ZNF837: variants seen among roughly 807,000 people sequenced by gnomAD.
ZNF837 encodes the protein zinc finger protein 837.
For missense variants in ZNF837, 955 were observed against 801.7 expected (o/e 1.19, Z -2.31); for synonymous variants, 475 against 365.2 (o/e 1.30, Z -3.43).
rs1449024702 is a variant in ZNF837, at chr19:58,367,801, G to C, written c.1532C>G (p.Ala511Gly). The C allele has an allele frequency of 6.5e-7, 1 of 1,536,258 alleles. No homozygotes were observed. The highest frequency in any genetic ancestry group is 8.7e-7 in the Non-Finnish European group (1 of 1,145,886). Residue 511 changes from alanine (A) to glycine (G), a missense_variant, in exon 3 of 3, where the codon GCC becomes GGC. Transcript: ENST00000597582. ...GTTGAGGTTGGAGCGTTGGCTGAAG[G>C]CGCGGCCGCAATCTCCGCACGCGTA... ...RPYACGDCGR[A>G]FSQRSNLNEH...
At position 58,368,127 on chromosome 19, in the gene ZNF837, C is replaced by T. The variant is rs1446193580; in HGVS notation, c.1206G>A (p.Gln402=). ...GCTGGTGCCGGCTCAGGTTCGAGCG[C>T]TGGTTGAAGGCCTTGCCGCACTCGG... The part of the protein sequence containing the change: ...ACPECGKAFN[Q]RSNLSRHQRT... Residue 402 remains glutamine (Q), a synonymous_variant, in exon 3 of 3, where the codon CAG becomes CAA. Transcript: ENST00000597582. The T allele has an allele frequency of 1.3e-6, 2 of 1,574,314 alleles. No individual in the cohort carries two copies. The highest frequency in any genetic ancestry group is 1.7e-6 in the Non-Finnish European group (2 of 1,163,716).
At position 58,367,850 on chromosome 19, in the gene ZNF837, G is replaced by A. The variant is rs753845601; in HGVS notation, c.1483C>T (p.Arg495Cys). 3.3e-6 allele frequency: 5 copies of A among 1,535,932 alleles called. No individual in the cohort carries two copies. The South Asian group carries it at 3.6e-5, about 11-fold the overall frequency. ...VRNCSLVRHL[R>C]THTGERPYAC... ...TAGGGCCGCTCGCCCGTGTGCGTGC[G>A]CAGGTGGCGCACCAGGCTGCAGTTG... Residue 495 changes from arginine (R) to cysteine (C), a missense_variant, in exon 3 of 3, where the codon CGC becomes TGC. Arg to Cys is a radical substitution (Grantham distance 180). Transcript: ENST00000597582.
chr19:58,368,343 G>C lies in ZNF837; in HGVS notation c.990C>G (p.Pro330=), dbSNP rs771542489. The C allele has an allele frequency of 3.3e-6, 5 of 1,523,246 alleles. No homozygotes were observed. The highest frequency in any genetic ancestry group is 2.5e-5 in the East Asian group (1 of 39,780). The allele number at this position is 1,523,246 out of a possible 1,614,324, so 94.4% of individuals were successfully genotyped here. Reference sequence around the variant, plus strand: ...GCCGGAAGGCGCGCCGCGCCAGGACGGGGCCACGCCGGTGGCGCTCGGCCG... The same window carrying C: ...GCCGGAAGGCGCGCCGCGCCAGGACCGGGCCACGCCGGTGGCGCTCGGCCG... ...THSAERHRRG[P]VLARRAFRLG... is the part of the protein sequence containing the mutation. Residue 330 remains proline, a synonymous_variant, in exon 3 of 3, where the codon CCC becomes CCG. Coordinates refer to ENST00000597582, the MANE Select transcript of ZNF837 (RefSeq NM_138466.2).
rs1258114668 is a variant in ZNF837 at position 58,367,647 on chromosome 19, G to C, written c.*90C>G. On this transcript the variant is annotated 3_prime_UTR_variant, in exon 3 of 3. Transcript: ENST00000597582. ...GTGTACAAAGTGAAGTTTAATCAAAGTTACAAACGTTGGTGGGTTTTCCGG... is the reference window on the plus strand; with the variant it reads ...GTGTACAAAGTGAAGTTTAATCAAACTTACAAACGTTGGTGGGTTTTCCGG... 2 of 1,412,178 alleles carry C rather than the reference G, an allele frequency of 1.4e-6. No homozygotes were observed. Among genetic ancestry groups the C allele is most frequent in the East Asian group, 5.2e-5 (2 of 38,382 alleles). 87.5% of individuals were successfully genotyped at this position (1,412,178 alleles called of 1,614,324 possible). A position where few individuals can be genotyped will look rare whatever the true frequency, so the allele number is the denominator to read the frequency against.
intron 1 of ZNF837, among the ~76,000 whole-genome samples, chr19:58,371,728 T>TATTG (rs71190028): frequency 5.3e-4 from 80 of 152,312 alleles, no homozygotes; most frequent in Middle Eastern, 3.4e-3. Flanking sequence ...TTTATTTATT[T>TATTG]TGGTGTTTTT....
At chr19:58,376,121 G>A (rs1180369286) in intron 1 of ZNF837, among the ~76,000 whole-genome samples, 1 of 151,956 alleles carries the variant, frequency 6.6e-6, no homozygotes, top group African/African-American at 2.4e-5. Context: ...GTTTCACCCT[G>A]TTGGCCTGGC....
At chr19:58,379,453 G>C (rs575744779) in intron 1 of ZNF837, among the ~76,000 whole-genome samples, 1 of 152,204 alleles carries the variant, frequency 6.6e-6, no homozygotes, top group African/African-American at 2.4e-5. Flanking sequence ...CCACCTGTAG[G>C]TGGGTGGCAT....
Position 58,367,838 on chromosome 19 carries a change from C to G in ZNF837, c.1495G>C (p.Gly499Arg), listed in dbSNP as rs767810869. The G allele has an allele frequency of 1.3e-6, 2 of 1,535,840 alleles. No homozygotes were observed. The highest frequency in any genetic ancestry group is 2.7e-5 in the African/African-American group (2 of 72,806). Reference sequence around the variant, plus strand: ...TCTCCGCACGCGTAGGGCCGCTCGCCCGTGTGCGTGCGCAGGTGGCGCACC... The same window carrying G: ...TCTCCGCACGCGTAGGGCCGCTCGCGCGTGTGCGTGCGCAGGTGGCGCACC... The part of the protein sequence containing the change: ...SLVRHLRTHT[G>R]ERPYACGDCG... The change falls in exon 3 of 3, where the codon GGC becomes CGC. Residue 499 changes from glycine (G) to arginine (R), a missense_variant. Gly to Arg is a moderately radical substitution (Grantham distance 125). Coordinates refer to ENST00000597582, the MANE Select transcript of ZNF837 (RefSeq NM_138466.2).
intron 1 of ZNF837, among the ~76,000 whole-genome samples, chr19:58,373,109 G>C (rs1002886088): frequency 1.3e-5 from 2 of 152,320 alleles, no homozygotes; most frequent in African/African-American, 2.4e-5. Context: ...GACAGGAAAG[G>C]TGAGGCTGCC....
Position 58,368,808 on chromosome 19 carries a change from G to T in ZNF837, c.525C>A (p.Gly175=). ...TTGGGGTCCTCGGGCAGGTCGGAGCGCCAGTCCCTGGTTGGCACGGCCAAC... is the reference window on the plus strand; with the variant it reads ...TTGGGGTCCTCGGGCAGGTCGGAGCTCCAGTCCCTGGTTGGCACGGCCAAC... ...TDCWPCQPGT[G]APTCPRTPKP... The change falls in exon 3 of 3, where the codon GGC becomes GGA. Residue 175 remains glycine, a synonymous_variant. Transcript: ENST00000597582. 1 of 1,545,776 alleles carries T rather than the reference G, an allele frequency of 6.5e-7. No homozygotes were observed. Among genetic ancestry groups the T allele is most frequent in the Non-Finnish European group, 8.7e-7 (1 of 1,146,660 alleles).
Position 58,368,070 on chromosome 19 carries a change from G to A in ZNF837, c.1263C>T (p.Cys421=), listed in dbSNP as rs1245896110. The A allele has an allele frequency of 1.3e-6, 2 of 1,545,820 alleles. No individual in the cohort carries two copies. Among genetic ancestry groups the A allele is most frequent in the Admixed American group, 3.9e-5 (2 of 51,220 alleles). ...RTHSSAKPYA[C]PLCEKAFKGR... ...CCTTGAAGGCCTTTTCGCACAGTGGGCACGCGTAGGGCTTGGCGCTGCTGT... is the reference window on the plus strand; with the variant it reads ...CCTTGAAGGCCTTTTCGCACAGTGGACACGCGTAGGGCTTGGCGCTGCTGT... The change falls in exon 3 of 3, where the codon TGC becomes TGT. Residue 421 remains cysteine (C), a synonymous_variant. Transcript: ENST00000597582.
At position 58,368,997 on chromosome 19, in the gene ZNF837, C is replaced by G; in HGVS notation, c.336G>C (p.Glu112Asp). The change falls in exon 3 of 3, where the codon GAG becomes GAC. Residue 112 changes from glutamate to aspartate, a missense_variant. Transcript: ENST00000597582. ...CACGCGCTGGGCTCCTACAGGGGCCCTCCCGGGCTTGCAGCCCCTCGGGGA... is the reference window on the plus strand; with the variant it reads ...CACGCGCTGGGCTCCTACAGGGGCCGTCCCGGGCTTGCAGCCCCTCGGGGA... ...LVIPEGLQAR[E>D]GPCRSPARGG... 1 of 1,519,960 alleles carries G rather than the reference C, an allele frequency of 6.6e-7. No homozygotes were observed. Among genetic ancestry groups the G allele is most frequent in the South Asian group, 1.2e-5 (1 of 80,288 alleles). 94.2% of individuals were successfully genotyped at this position (1,519,960 alleles called of 1,614,324 possible).
At chr19:58,380,579 G>A (rs2052281718) in intron 1 of ZNF837, among the ~76,000 whole-genome samples, 1 of 152,240 alleles carries the variant, frequency 6.6e-6, no homozygotes. Context: ...AGGATGCGGG[G>A]GCAGAGACGG....
At chr19:58,372,436 G>T (rs553562465) in intron 1 of ZNF837, among the ~76,000 whole-genome samples, 4 of 151,904 alleles carry the variant, frequency 2.6e-5, no homozygotes, top group East Asian at 3.9e-4. Flanking sequence ...GGGAGTCCGG[G>T]GGGGGCGGAT....
At chr19:58,373,575 T>TTGGC (rs554745221) in intron 1 of ZNF837, among the ~76,000 whole-genome samples, 298 of 152,294 alleles carry the variant, frequency 2.0e-3, no homozygotes, top group African/African-American at 6.7e-3. Flanking sequence ...AGGTGAGGGG[T>TTGGC]TGGCTGCTGT....
rs1568565194 is a variant in ZNF837, at chr19:58,368,637, C to T, written c.696G>A (p.Lys232=). 6.5e-7 allele frequency: 1 copy of T among 1,530,890 alleles called. No homozygotes were observed. The highest frequency in any genetic ancestry group is 8.7e-7 in the Non-Finnish European group (1 of 1,143,396). The allele number at this position is 1,530,890 out of a possible 1,614,324, so 94.8% of individuals were successfully genotyped here. Reference sequence around the variant, plus strand: ...GCTGCTGCTGGTTGGGGCGGAAGCGCTTCCCGCACCGGGCACACGGACGGG... The same window carrying T: ...GCTGCTGCTGGTTGGGGCGGAAGCGTTTCCCGCACCGGGCACACGGACGGG... ...EEPRPCARCG[K]RFRPNQQQQA... The change falls in exon 3 of 3, where the codon AAG becomes AAA. Residue 232 remains lysine, a synonymous_variant. Coordinates refer to ENST00000597582, the MANE Select transcript of ZNF837 (RefSeq NM_138466.2).
chr19:58,380,334 TC>T (rs1311396620), intron 1 of ZNF837, among the ~76,000 whole-genome samples: 2 of 152,180 alleles, frequency 1.3e-5, no homozygotes, highest in Admixed American at 1.3e-4. Flanking sequence ...TCGCAGGACA[TC>T]CACTGTGTCA....
At chr19:58,379,541 G>A (rs2052274030) in intron 1 of ZNF837, among the ~76,000 whole-genome samples, 1 of 152,184 alleles carries the variant, frequency 6.6e-6, no homozygotes, top group South Asian at 2.1e-4. Context: ...CCAGGAGCCC[G>A]TCCTTGATGG....
intron 2 of ZNF837, 171 bp downstream of exon 2, chr19:58,369,648 G>T: frequency 3.8e-6 from 1 of 262,242 alleles, no homozygotes; most frequent in Non-Finnish European, 7.2e-6. Flanking sequence ...GGCCCTCCCT[G>T]GTCCCCCTTC....
Sources: allele counts gnomAD v4.1 joint callset (sites outside exome capture counted in the v4.1 genomes callset), GRCh38; gene constraint gnomAD v4.1.1; transcripts MANE v1.5; gene names NCBI Gene and HGNC (gene_info 2026-07-23, HGNC 2026-07-21).